BAIAP2: variants seen among roughly 807,000 people sequenced by gnomAD.
The protein encoded by BAIAP2 is BAR/IMD domain-containing adapter protein 2.
In BAIAP2, 18 loss-of-function variants were observed where a neutral mutation model predicts 63.0. The ratio of observed to expected loss-of-function variants is 0.29; its 90% CI spans 0.20 to 0.42. The LOEUF is 0.42. BAIAP2 is among the 10% of genes least tolerant of loss of function. The pLI, the probability that BAIAP2 is intolerant of heterozygous loss-of-function variation, is 1.00. For synonymous variants in BAIAP2, 386 were observed against 307.6 expected (o/e 1.25, Z -2.67); for missense variants, 610 against 734.3 (o/e 0.83, Z 1.96).
intron 3 of BAIAP2, among the ~76,000 whole-genome samples, chr17:81,065,934 G>C (rs2051378515): frequency 1.3e-5 from 2 of 152,252 alleles, no homozygotes; most frequent in South Asian, 4.1e-4. Context: ...TCTTCAGTGA[G>C]GGGGGCTGTC....
Position 81,116,144 on chromosome 17 carries a change from G to C in BAIAP2, c.*305G>C. On this transcript the variant is annotated 3_prime_UTR_variant, in exon 14 of 14. Coordinates refer to ENST00000428708, the MANE Select transcript of BAIAP2 (RefSeq NM_001144888.2). ...CCTTGGGTACCCCTGAGTTAAGGGAGGACATTTGGCCAGCTGGTGGCTGGG... is the reference window on the plus strand; with the variant it reads ...CCTTGGGTACCCCTGAGTTAAGGGACGACATTTGGCCAGCTGGTGGCTGGG... The C allele has an allele frequency of 6.3e-7, 1 of 1,596,920 alleles. No individual in the cohort carries two copies. The highest frequency in any genetic ancestry group is 8.5e-7 in the Non-Finnish European group (1 of 1,172,126).
At chr17:81,084,159 C>G (rs2055145733) in intron 3 of BAIAP2, among the ~76,000 whole-genome samples, 1 of 152,174 alleles carries the variant, frequency 6.6e-6, no homozygotes, top group African/African-American at 2.4e-5. Context: ...CCCGTGTGTC[C>G]CCAGGGCCCT....
chr17:81,088,620 C>T (rs1225067279), intron 6 of BAIAP2, among the ~76,000 whole-genome samples: 2 of 152,234 alleles, frequency 1.3e-5, no homozygotes, highest in Non-Finnish European at 2.9e-5. Context: ...GCCTTTGGTG[C>T]CTGGTGGCTC....
chr17:81,055,576 T>TTTTTGTTTTTTTTTGTTTTTTG (rs933153727), intron 2 of BAIAP2, among the ~76,000 whole-genome samples: 1 of 144,150 alleles, frequency 6.9e-6, no homozygotes, highest in African/African-American at 2.5e-5. Flanking sequence ...GGTGTTTTGT[T>TTTTTGTTTTTTTTTGTTTTTTG]TTTTTTTGAG....
At chr17:81,096,077 A>T (rs958710082) in intron 6 of BAIAP2, among the ~76,000 whole-genome samples, 1 of 152,108 alleles carries the variant, frequency 6.6e-6, no homozygotes, top group African/African-American at 2.4e-5. Context: ...AGCCTAGTTT[A>T]CACTGCTGTC....
At chr17:81,090,090 G>A (rs576266201) in intron 6 of BAIAP2, among the ~76,000 whole-genome samples, 48 of 152,026 alleles carry the variant, frequency 3.2e-4, no homozygotes, top group Non-Finnish European at 5.0e-4. Flanking sequence ...CAGGGGACCT[G>A]TGGGTGGCCC....
intron 5 of BAIAP2, among the ~76,000 whole-genome samples, 182 bp downstream of exon 5, chr17:81,085,907 A>G (rs1395879585): frequency 6.6e-6 from 1 of 152,176 alleles, no homozygotes; most frequent in Non-Finnish European, 1.5e-5. Flanking sequence ...CCCAAATGCA[A>G]CCTGTGGGTG....
chr17:81,108,293 C>T, intron 12 of BAIAP2, 182 bp from the exon 13 acceptor site: 3 of 642,072 alleles, frequency 4.7e-6, no homozygotes, highest in South Asian at 1.9e-5. Context: ...TACTTTACCA[C>T]TGGGACCAGG....
At chr17:81,084,723 G>A in intron 3 of BAIAP2, 109 bp from the exon 4 acceptor site, 2 of 1,067,190 alleles carry the variant, frequency 1.9e-6, no homozygotes, top group Non-Finnish European at 1.4e-6. Context: ...GGGCCCTGCT[G>A]CCTGTGGTCA....
intron 3 of BAIAP2, among the ~76,000 whole-genome samples, chr17:81,064,230 C>T (rs1163216026): frequency 6.6e-6 from 1 of 152,250 alleles, no homozygotes; most frequent in Non-Finnish European, 1.5e-5. Flanking sequence ...GGGCAGTCTG[C>T]CTTTAGTCCT....
intron 3 of BAIAP2, among the ~76,000 whole-genome samples, chr17:81,069,332 G>A (rs1009312374): frequency 4.6e-5 from 7 of 152,224 alleles, no homozygotes; most frequent in Non-Finnish European, 1.0e-4. Flanking sequence ...ACGCACGCGG[G>A]CACAGATAGT....
At chr17:81,056,194 C>T (rs2049528666) in intron 2 of BAIAP2, among the ~76,000 whole-genome samples, 1 of 152,190 alleles carries the variant, frequency 6.6e-6, no homozygotes, top group Admixed American at 6.5e-5. Flanking sequence ...TGTGGTGACC[C>T]CATGATCTCT....
At position 81,116,321 on chromosome 17, in the gene BAIAP2, G is replaced by A. The variant is rs372559551; in HGVS notation, c.*482G>A. 7.4e-6 allele frequency: 12 copies of A among 1,612,522 alleles called. No individual in the cohort carries two copies. The highest frequency in any genetic ancestry group is 5.3e-5 in the African/African-American group (4 of 74,940). On this transcript the variant is annotated 3_prime_UTR_variant, in exon 14 of 14. Coordinates refer to ENST00000428708, the MANE Select transcript of BAIAP2 (RefSeq NM_001144888.2). ...TGGAAGATGAACTTCCCGTAAGCAC[G>A]TAATTCCCTGCAGGTCCGGCAGCTA...
intron 13 of BAIAP2, chr17:81,111,016 C>T: frequency 6.3e-7 from 1 of 1,599,648 alleles, no homozygotes; most frequent in Non-Finnish European, 8.6e-7. Flanking sequence ...TCTCCACGGG[C>T]CCTCTGGCCT....
intron 10 of BAIAP2, chr17:81,105,860 C>G: frequency 8.0e-6 from 4 of 500,102 alleles, no homozygotes; most frequent in Admixed American, 3.6e-5. Context: ...GCAGCTCCCA[C>G]CAGGTTGAGG....
At chr17:81,056,750 G>T (rs1483633319) in intron 2 of BAIAP2, among the ~76,000 whole-genome samples, 1 of 152,232 alleles carries the variant, frequency 6.6e-6, no homozygotes, top group African/African-American at 2.4e-5. Flanking sequence ...GGCCGTCCAG[G>T]CAGCACCGCC....
chr17:81,035,814 G>T (rs867996658), intron 1 of BAIAP2, among the ~76,000 whole-genome samples: 65 of 152,274 alleles, frequency 4.3e-4, no homozygotes, highest in African/African-American at 1.4e-3. Context: ...CTCCAGGCGC[G>T]GTTGCGCGAG....
At chr17:81,063,502 C>T (rs1012032317) in intron 3 of BAIAP2, among the ~76,000 whole-genome samples, 8 of 152,218 alleles carry the variant, frequency 5.3e-5, no homozygotes, top group Non-Finnish European at 1.2e-4. Context: ...CTGAGCTCTC[C>T]TGCGGGATGA....
rs556743372 is a variant in BAIAP2 at position 81,116,191 on chromosome 17, T to TGCTTCTCCTGCCTAATAAACAG, written c.*364_*385dup. ...TGGGAGGGGAGCCTGGCTGCCCTGC[T>TGCTTCTCCTGCCTAATAAACAG]GCTTCTCCTGCCTAATAAACAGGCT... On this transcript the variant is annotated 3_prime_UTR_variant, in exon 14 of 14. Transcript: ENST00000428708. 1.3e-4 allele frequency: 216 copies of TGCTTCTCCTGCCTAATAAACAG among 1,609,224 alleles called. No homozygotes were observed. The highest frequency in any genetic ancestry group is 1.8e-4 in the Non-Finnish European group (208 of 1,177,690).
Sources: allele counts gnomAD v4.1 joint callset (sites outside exome capture counted in the v4.1 genomes callset), GRCh38; gene constraint gnomAD v4.1.1; transcripts MANE v1.5; gene names NCBI Gene and HGNC (gene_info 2026-07-23, HGNC 2026-07-21).